Variants in MED23 observed in about 807,000 individuals in gnomAD.
MED23 encodes mediator complex subunit 23, also known as mediator of RNA polymerase II transcription subunit 23.
In MED23, 105 loss-of-function variants were observed where a neutral mutation model predicts 163.9. That is an observed-to-expected ratio of 0.64 (90% CI 0.55 to 0.75). The LOEUF is 0.75. Among genes scored for constraint, MED23 ranks in the 30% least tolerant of loss-of-function variants. The pLI, the probability that MED23 is intolerant of heterozygous loss-of-function variation, is 0.00. For synonymous variants in MED23, 561 were observed against 565.6 expected (o/e 0.99, Z 0.12); for missense variants, 1,054 against 1,649.0 (o/e 0.64, Z 6.25).
intron 3 of MED23, 24 bp downstream of exon 3, chr6:131,627,372 A>G (rs758243605): frequency 1.5e-5 from 23 of 1,576,376 alleles, no homozygotes; most frequent in African/African-American, 5.4e-5. Flanking sequence ...CATCAGCTGA[A>G]TGTATTAAAA....
intron 25 of MED23, 104 bp from the exon 26 acceptor site, chr6:131,591,631 T>C: frequency 1.1e-6 from 1 of 916,668 alleles, no homozygotes; most frequent in Non-Finnish European, 1.7e-6. Flanking sequence ...TTTCTATTTT[T>C]CCAGCTTCTG....
intron 22 of MED23, 149 bp from the exon 23 acceptor site, chr6:131,594,484 T>C (rs1774893856): frequency 1.4e-6 from 1 of 730,040 alleles, no homozygotes; most frequent in Non-Finnish European, 2.5e-6. Context: ...CTATGAATAT[T>C]TTAATCTGAG....
chr6:131,620,964 G>A (rs894044451), intron 6 of MED23, among the ~76,000 whole-genome samples: 1 of 151,926 alleles, frequency 6.6e-6, no homozygotes, highest in African/African-American at 2.4e-5. Flanking sequence ...CAGCAGGCCC[G>A]GCTAACTTTT....
In MED23 at chr6:131,592,393, G is replaced by C; in HGVS notation, c.3466C>G (p.Leu1156Val). The stretch of plus-strand genomic sequence containing the variant: ...AATCACAATTATTAACTCACTGGTA[G>C]GGCAGTGATGATCAAACCAATTGCA... ...MNAIGLIITALPEPYWIVLHD... is the reference protein window; with the variant it reads ...MNAIGLIITAVPEPYWIVLHD... The change falls in exon 25 of 29, where the codon CTA becomes GTA. Residue 1156 changes from leucine to valine, a missense_variant. Physicochemically the swap from Leu to Val is conservative, Grantham distance 32. Around this residue, in one of 11 missense-constraint regions of MED23, gnomAD observed 362 missense variants for 471.6 expected, o/e 0.77. Transcript: ENST00000368068. 1 of 1,611,768 alleles carries C rather than the reference G, an allele frequency of 6.2e-7. No homozygotes were observed. Among genetic ancestry groups the C allele is most frequent in the Non-Finnish European group, 8.5e-7 (1 of 1,177,942 alleles).
chr6:131,578,867 T>C (rs957400916), intron 30 of MED23, among the ~76,000 whole-genome samples: 1 of 152,122 alleles, frequency 6.6e-6, no homozygotes, highest in Non-Finnish European at 1.5e-5. Context: ...CTAGTTTAAC[T>C]GGATGGATTC....
chr6:131,615,057 CTT>C (rs1375809283), intron 10 of MED23, among the ~76,000 whole-genome samples: 3 of 78,514 alleles, frequency 3.8e-5, no homozygotes, highest in Admixed American at 4.1e-4. Context: ...GGTGTTGTCT[CTT>C]TGTTACCAAA....
intron 13 of MED23, among the ~76,000 whole-genome samples, chr6:131,606,028 T>C (rs1478919714): frequency 6.6e-6 from 1 of 152,186 alleles, no homozygotes. Context: ...GGTATCTTCA[T>C]TGAGTCATCA....
chr6:131,600,768 G>A (rs1234255848), intron 17 of MED23, among the ~76,000 whole-genome samples: 1 of 152,154 alleles, frequency 6.6e-6, no homozygotes, highest in Non-Finnish European at 1.5e-5. Flanking sequence ...CACTTGGTAT[G>A]AGCACTGACG....
At position 131,592,460 on chromosome 6, in the gene MED23, AC is replaced by A; in HGVS notation, c.3399-1del. On this transcript the variant is annotated splice_acceptor_variant, in intron 24 of 28. Transcript: ENST00000368068. LOFTEE classifies it high-confidence loss of function. ...TGTTCTCTCTTGGCACTAAAGGCTG[AC>A]TGCAACCGGCAAAAAAGAATGTAAG... 6.2e-7 allele frequency: 1 copy of A among 1,613,844 alleles called. No homozygotes were observed. The highest frequency in any genetic ancestry group is 1.1e-5 in the South Asian group (1 of 91,080).
At chr6:131,593,922 T>C (rs1585468386) in intron 23 of MED23, among the ~76,000 whole-genome samples, 177 bp downstream of exon 23, 1 of 152,152 alleles carries the variant, frequency 6.6e-6, no homozygotes, top group East Asian at 1.9e-4. Context: ...TTCAGCCTAA[T>C]TGGCATGATG....
At chr6:131,587,958 G>T in intron 28 of MED23, 112 bp from the exon 29 acceptor site, 1 of 886,134 alleles carries the variant, frequency 1.1e-6, no homozygotes, top group Non-Finnish European at 1.8e-6. Flanking sequence ...GTGTCGTGGG[G>T]TAGATGAGAA....
At chr6:131,619,495 AG>A (rs1776928424) in intron 8 of MED23, among the ~76,000 whole-genome samples, 1 of 152,250 alleles carries the variant, frequency 6.6e-6, no homozygotes, top group Non-Finnish European at 1.5e-5. Context: ...CTGTAGCCAC[AG>A]AGGGACAGGT....
intron 22 of MED23, 142 bp from the exon 23 acceptor site, chr6:131,594,477 T>G (rs1160001487): frequency 2.7e-6 from 2 of 745,050 alleles, no homozygotes; most frequent in Non-Finnish European, 4.9e-6. Context: ...TTGTATACTA[T>G]GAATATTTTA....
Position 131,598,215 on chromosome 6 carries a change from A to G in MED23, c.2607+72T>C. 7.3e-7 allele frequency: 1 copy of G among 1,375,140 alleles called. No individual in the cohort carries two copies. Among genetic ancestry groups the G allele is most frequent in the Non-Finnish European group, 1.0e-6 (1 of 965,536 alleles). 85.2% of individuals were successfully genotyped at this position (1,375,140 alleles called of 1,614,324 possible). On this transcript the variant is annotated intron_variant, in intron 20 of 28. Transcript: ENST00000368068. The surrounding 1 kb of genome is among the most constrained non-coding windows in gnomAD (Gnocchi z 4.7). ...TAAATCCTTCAAAGCAATATAGAGC[A>G]GATTGGCATAACATATATTAGTCAT...
chr6:131,593,445 A>G (rs1774803066), intron 23 of MED23, among the ~76,000 whole-genome samples: 1 of 152,066 alleles, frequency 6.6e-6, no homozygotes, highest in Non-Finnish European at 1.5e-5. Context: ...TCATGAGCCT[A>G]TTTCTTTTAA....
At chr6:131,592,964 C>T (rs1347368904) in intron 24 of MED23, 42 bp downstream of exon 24, 2 of 1,610,364 alleles carry the variant, frequency 1.2e-6, no homozygotes, top group Admixed American at 1.7e-5. Flanking sequence ...ATTCTATTTA[C>T]AAATAAACAA....
chr6:131,584,109 A>AT (rs1774081931), downstream of MED23: 2 of 614,348 alleles, frequency 3.3e-6, no homozygotes, highest in Non-Finnish European at 5.5e-6. Context: ...AAAAGCTTAT[A>AT]TTTTCTAACT....
In MED23 at chr6:131,593,025, G is replaced by A; in HGVS notation, c.3379C>T (p.Leu1127=). Residue 1127 remains leucine, a synonymous_variant, in exon 24 of 29, where the codon CTA becomes TTA. Transcript: ENST00000368068. ...ACATACCTTTTTAGGACAACATTTA[G>A]AAGGGCATTCCCAACTTCTTTGCCT... ...VSGKEVGNAL[L]NVVLKSQPLV... 4 of 1,614,148 alleles carry A rather than the reference G, an allele frequency of 2.5e-6. No homozygotes were observed. The highest frequency in any genetic ancestry group is 3.4e-6 in the Non-Finnish European group (4 of 1,180,014).
intron 28 of MED23, among the ~76,000 whole-genome samples, 192 bp downstream of exon 28, chr6:131,589,273 G>A (rs1774410518): frequency 1.3e-5 from 2 of 152,080 alleles, no homozygotes; most frequent in South Asian, 2.1e-4. Context: ...ATTATAACAT[G>A]TATTTCCTTT....
Sources: allele counts gnomAD v4.1 joint callset (sites outside exome capture counted in the v4.1 genomes callset), GRCh38; gene constraint gnomAD v4.1.1; regional missense constraint gnomAD v4.1.1; non-coding constraint Gnocchi (gnomAD v3.1); transcripts MANE v1.5; gene names NCBI Gene and HGNC (gene_info 2026-07-23, HGNC 2026-07-21).